Variants in NRG1 observed in about 807,000 individuals in gnomAD.
The protein encoded by NRG1 is pro-neuregulin-1, membrane-bound isoform.
NRG1 carries 18 observed loss-of-function variants against 63.8 expected under a neutral mutation model. That is an observed-to-expected ratio of 0.28 (90% CI 0.19 to 0.42). NRG1 has a LOEUF of 0.42. Among genes scored for constraint, NRG1 ranks in the 10% least tolerant of loss-of-function variants. The pLI, the probability that NRG1 is intolerant of heterozygous loss-of-function variation, is 1.00. For missense variants in NRG1, 762 were observed against 814.7 expected, an observed-to-expected ratio of 0.94 and a Z score of 0.79; for synonymous variants, 302 against 301.3, an observed-to-expected ratio of 1.00 and a Z score of -0.02.
At chr8:32,281,667 T>A (rs948353986) in intron 1 of NRG1, among the ~76,000 whole-genome samples, 1 of 152,090 alleles carries the variant, frequency 6.6e-6, no homozygotes, top group Non-Finnish European at 1.5e-5. Context: ...TCCAGCTGCA[T>A]CTATGTTGAG....
chr8:31,829,201 T>G (rs1824870149), intron 1 of NRG1, among the ~76,000 whole-genome samples: 1 of 152,242 alleles, frequency 6.6e-6, no homozygotes, highest in Non-Finnish European at 1.5e-5. Context: ...GTAACCTTGT[T>G]AGACTGCTTC....
At chr8:32,017,699 T>C (rs1256222970) in intron 1 of NRG1, among the ~76,000 whole-genome samples, 1 of 152,206 alleles carries the variant, frequency 6.6e-6, no homozygotes, top group Admixed American at 6.5e-5. Flanking sequence ...TAAAGGATAT[T>C]ACAGAGTACA....
At chr8:32,739,020 C>A (rs938431188) in intron 6 of NRG1, among the ~76,000 whole-genome samples, 11 of 152,138 alleles carry the variant, frequency 7.2e-5, no homozygotes, top group African/African-American at 2.7e-4. Context: ...AGCAGTGATT[C>A]CATGTGTTAG....
At chr8:31,918,729 G>A (rs1360382659) in intron 1 of NRG1, among the ~76,000 whole-genome samples, 2 of 152,140 alleles carry the variant, frequency 1.3e-5, no homozygotes, top group Non-Finnish European at 2.9e-5. Context: ...AATGAGTTAG[G>A]GAGGATTCCC....
intron 1 of NRG1, among the ~76,000 whole-genome samples, chr8:31,760,518 T>C (rs996420103): frequency 5.3e-4 from 81 of 152,048 alleles, no homozygotes; most frequent in African/African-American, 1.8e-3. Context: ...ACAGGCAACC[T>C]ACAAAATGGG....
intron 1 of NRG1, among the ~76,000 whole-genome samples, chr8:32,181,396 C>T (rs2132106154): frequency 6.6e-6 from 1 of 152,274 alleles, no homozygotes; most frequent in Non-Finnish European, 1.5e-5. Context: ...CTGTATTGCT[C>T]TCTTCTTTGT....
chr8:32,069,469 C>T (rs571306392), intron 1 of NRG1, among the ~76,000 whole-genome samples: 10 of 152,208 alleles, frequency 6.6e-5, no homozygotes, highest in Middle Eastern at 3.4e-3. Context: ...TTTGAAAAGT[C>T]GTGAATTAAA....
chr8:31,915,062 G>T (rs1335937957), intron 1 of NRG1, among the ~76,000 whole-genome samples: 2 of 104,164 alleles, frequency 1.9e-5, no homozygotes, highest in Non-Finnish European at 1.9e-5. Context: ...AGTCAATTTT[G>T]TTCAGACCAT....
intron 1 of NRG1, among the ~76,000 whole-genome samples, chr8:31,911,561 G>A (rs1832946044): frequency 6.6e-6 from 1 of 152,106 alleles, no homozygotes; most frequent in Non-Finnish European, 1.5e-5. Flanking sequence ...ATAGAGGGGA[G>A]CAACAGACTC....
At chr8:32,399,388 G>C (rs1205286856) in intron 1 of NRG1, among the ~76,000 whole-genome samples, 1 of 152,186 alleles carries the variant, frequency 6.6e-6, no homozygotes, top group African/African-American at 2.4e-5. Flanking sequence ...ATCCCAAAGT[G>C]ACTTTTAAAA....
chr8:31,797,156 C>T (rs1447259970), intron 1 of NRG1, among the ~76,000 whole-genome samples: 1 of 152,176 alleles, frequency 6.6e-6, no homozygotes, highest in Non-Finnish European at 1.5e-5. Context: ...TATTATCACT[C>T]TCTTGAAAAT....
In NRG1 at chr8:32,495,860, C is replaced by G. The variant is rs145826704; in HGVS notation, c.38-99968C>G. 2.6e-5 allele frequency among the ~76,000 whole-genome samples: 4 copies of G among 152,286 alleles called. No homozygotes were observed. The East Asian group carries it at 7.7e-4, about 29-fold the overall frequency. ...ACATCAGAAGTTCTGATTTTCATAT[C>G]AGCACAGAGAAAAGTGACCTTCCCA... On this transcript the variant is annotated intron_variant, in intron 1 of 10. Transcript: ENST00000519301.
At chr8:32,074,845 T>C (rs553478974) in intron 1 of NRG1, among the ~76,000 whole-genome samples, 2 of 152,218 alleles carry the variant, frequency 1.3e-5, no homozygotes, top group Non-Finnish European at 2.9e-5. Flanking sequence ...ACTGTTGTTT[T>C]TTTCTTTTCA....
chr8:32,750,710 C>CAAA (rs34624230), intron 7 of NRG1, among the ~76,000 whole-genome samples: 4,738 of 124,228 alleles, frequency 0.038, 298 homozygotes, highest in East Asian at 0.27. Context: ...ATTTCTTCCT[C>CAAA]AAAAAAAAAA....
At chr8:32,662,350 G>A (rs1300481915) in intron 5 of NRG1, among the ~76,000 whole-genome samples, 1 of 152,190 alleles carries the variant, frequency 6.6e-6, no homozygotes, top group Non-Finnish European at 1.5e-5. Context: ...TTAAGCCAAT[G>A]GCTTAAGTGT....
intron 6 of NRG1, among the ~76,000 whole-genome samples, chr8:32,728,842 G>A (rs188710926): frequency 1.3e-5 from 2 of 152,090 alleles, no homozygotes; most frequent in Admixed American, 1.3e-4. Context: ...GAGGCGGGCA[G>A]ATCACGAGGT....
At chr8:32,432,828 C>T (rs1818312965) in intron 1 of NRG1, among the ~76,000 whole-genome samples, 1 of 152,076 alleles carries the variant, frequency 6.6e-6, no homozygotes, top group African/African-American at 2.4e-5. Flanking sequence ...TGCAGTCTGC[C>T]CTTCTCAGGA....
Position 32,444,738 on chromosome 8 carries a change from G to A in NRG1, c.38-151090G>A, listed in dbSNP as rs566835809. Among the ~76,000 whole-genome samples the A allele has an allele frequency of 2.0e-5, 3 of 152,318 alleles. No individual in the cohort carries two copies. In the East Asian group the frequency reaches 5.8e-4, roughly 29 times the overall value. On this transcript the variant is annotated intron_variant, in intron 1 of 10. Coordinates refer to the NRG1 transcript ENST00000519301. ...GGGAAGTCTCACAATTTTGTCAAAAGTAGAAGAGTTGCCTTTGACGAATAC... is the reference window on the plus strand; with the variant it reads ...GGGAAGTCTCACAATTTTGTCAAAAATAGAAGAGTTGCCTTTGACGAATAC...
At chr8:31,726,503 A>C (rs1248897953) in intron 1 of NRG1, among the ~76,000 whole-genome samples, 1 of 152,198 alleles carries the variant, frequency 6.6e-6, no homozygotes, top group Non-Finnish European at 1.5e-5. Context: ...ATTTTATTAG[A>C]TCTAGAATGA....
Sources: gnomAD v4.1 joint callset for allele counts (sites outside exome capture counted in the v4.1 genomes callset) on GRCh38, gnomAD v4.1.1 for gene constraint, MANE v1.5 for transcripts, NCBI Gene and HGNC (gene_info 2026-07-23, HGNC 2026-07-21) for gene names.